Variants in FAM117B observed in about 807,000 individuals in gnomAD.
The protein encoded by FAM117B is family with sequence similarity 117 member B.
Under a neutral mutation model 52.8 loss-of-function variants are expected in FAM117B, and 22 were observed. The observed-to-expected ratio is 0.42, with a 90% CI of 0.30 to 0.59. The LOEUF is 0.59. FAM117B is among the 20% of genes least tolerant of loss of function. The pLI is 0.22. For missense variants in FAM117B, 678 were observed against 802.6 expected, an observed-to-expected ratio of 0.84 and a Z score of 1.88; for synonymous variants, 309 against 324.1, an observed-to-expected ratio of 0.95 and a Z score of 0.50.
At chr2:202,654,027 A>G (rs2105757941) in intron 1 of FAM117B, among the ~76,000 whole-genome samples, 2 of 150,962 alleles carry the variant, frequency 1.3e-5, no homozygotes, top group South Asian at 4.2e-4. Context: ...CAGTGAAATC[A>G]TCTTGGCCTG....
At chr2:202,737,416 T>C (rs1247889650) in intron 4 of FAM117B, among the ~76,000 whole-genome samples, 1 of 152,196 alleles carries the variant, frequency 6.6e-6, no homozygotes, top group Non-Finnish European at 1.5e-5. Flanking sequence ...TTCTTTTCCT[T>C]TGTATACATG....
chr2:202,640,798 A>G (rs762652137), intron 1 of FAM117B, among the ~76,000 whole-genome samples: 3 of 151,940 alleles, frequency 2.0e-5, no homozygotes, highest in African/African-American at 4.8e-5. Context: ...TTGGGTAGAG[A>G]CTGGGTTTCA....
chr2:202,755,559 C>G lies in FAM117B; in HGVS notation c.982C>G (p.Leu328Val). The G allele has an allele frequency of 6.2e-7, 1 of 1,614,084 alleles. No homozygotes were observed. The highest frequency in any genetic ancestry group is 8.5e-7 in the Non-Finnish European group (1 of 1,179,978). ...TAAGGCTCCTGTTCCAAAGAGTGCA[C>G]TTATTCCTGTAATTCCCATCACCAA... ...QCQAPVPKSA[L>V]IPVIPITKST... The change falls in exon 5 of 8, where the codon CTT becomes GTT. Residue 328 changes from leucine (L) to valine (V), a missense_variant. Leu to Val is a conservative substitution (Grantham distance 32). Around this residue, in one of 3 missense-constraint regions of FAM117B, gnomAD observed 583 missense variants for 644.8 expected, o/e 0.90. Transcript: ENST00000392238.
chr2:202,672,003 G>A (rs1157113761), intron 1 of FAM117B, among the ~76,000 whole-genome samples: 5 of 152,128 alleles, frequency 3.3e-5, no homozygotes, highest in African/African-American at 1.2e-4. Context: ...AGCTTTAGGT[G>A]TGTTAGTTAC....
At position 202,723,702 on chromosome 2, in the gene FAM117B, T is replaced by A. The variant is rs59431936; in HGVS notation, c.754-1215T>A. 1.8e-4 allele frequency among the ~76,000 whole-genome samples: 28 copies of A among 152,366 alleles called. No individual in the cohort carries two copies. In the East Asian group the frequency reaches 4.2e-3, roughly 23 times the overall value. ...CTTACTTACATTGTTTCAGTCTTAC[T>A]TGTAAGAACAGTGCTACAGGGAATA... On this transcript the variant is annotated intron_variant, in intron 2 of 7. Transcript: ENST00000392238.
At chr2:202,703,062 G>A (rs371399542) in intron 2 of FAM117B, among the ~76,000 whole-genome samples, 15 of 152,136 alleles carry the variant, frequency 9.9e-5, no homozygotes, top group East Asian at 3.9e-4. Flanking sequence ...AGTTATAACT[G>A]TATATAATTT....
chr2:202,645,283 C>CT (rs538990959), intron 1 of FAM117B, among the ~76,000 whole-genome samples: 7,707 of 138,326 alleles, frequency 0.056, 224 homozygotes, highest in Middle Eastern at 0.1. Context: ...TTTTTTCTTT[C>CT]TTTTTTTTTT....
At position 202,767,914 on chromosome 2, in the gene FAM117B, G is replaced by A. The variant is rs910551815; in HGVS notation, c.*2150G>A. 1 of 152,114 alleles carries A rather than the reference G, an allele frequency of 6.6e-6. No homozygotes were observed. Among genetic ancestry groups the A allele is most frequent in the African/African-American group, 2.4e-5 (1 of 41,438 alleles). The allele number at this position is 152,114 out of a possible 1,614,324, so 9.4% of individuals were successfully genotyped here. A position where few individuals can be genotyped will look rare whatever the true frequency, so the allele number is the denominator to read the frequency against. On this transcript the variant is annotated 3_prime_UTR_variant, in exon 8 of 8. Transcript: ENST00000392238. ...CGTTATGGCTTCTCAGTCATGAAAA[G>A]CTCAGTTATTTGGGGTCTACATTTT...
At chr2:202,739,466 C>T (rs1278510848) in intron 4 of FAM117B, among the ~76,000 whole-genome samples, 6 of 141,414 alleles carry the variant, frequency 4.2e-5, no homozygotes, top group Non-Finnish European at 6.1e-5. Flanking sequence ...CTCCCTCCCT[C>T]GATCCCTCCC....
intron 1 of FAM117B, among the ~76,000 whole-genome samples, chr2:202,664,328 A>G (rs922731054): frequency 6.6e-6 from 1 of 152,188 alleles, no homozygotes; most frequent in Admixed American, 6.6e-5. Flanking sequence ...AAAATATTTG[A>G]AAGAATTAGC....
At chr2:202,672,649 G>C (rs1200536982) in intron 1 of FAM117B, among the ~76,000 whole-genome samples, 2 of 152,152 alleles carry the variant, frequency 1.3e-5, no homozygotes, top group East Asian at 3.8e-4. Flanking sequence ...GACAAATGCG[G>C]TGGAATTTTC....
At chr2:202,708,693 A>G (rs1690913808) in intron 2 of FAM117B, among the ~76,000 whole-genome samples, 1 of 152,110 alleles carries the variant, frequency 6.6e-6, no homozygotes, top group South Asian at 2.1e-4. Context: ...GCAGCCTCGA[A>G]CTTCTGAGCT....
intron 4 of FAM117B, among the ~76,000 whole-genome samples, chr2:202,741,416 CAAAAAAAAA>C (rs1156278814): frequency 5.7e-5 from 2 of 34,932 alleles, no homozygotes; most frequent in East Asian, 1.3e-3. Context: ...GACTCTGTCT[CAAAAAAAAA>C]AAAAAAAAAA....
chr2:202,736,529 C>T (rs941705359), intron 4 of FAM117B, among the ~76,000 whole-genome samples: 12 of 152,034 alleles, frequency 7.9e-5, no homozygotes, highest in African/African-American at 2.7e-4. Flanking sequence ...GGGAGTTCGA[C>T]GTAGATGGAT....
intron 2 of FAM117B, among the ~76,000 whole-genome samples, chr2:202,718,845 A>C (rs1691103608): frequency 6.6e-6 from 1 of 151,790 alleles, no homozygotes; most frequent in Admixed American, 6.6e-5. Flanking sequence ...GTGCCTACCG[A>C]CCTCCCCTGT....
intron 4 of FAM117B, among the ~76,000 whole-genome samples, chr2:202,749,934 T>A (rs1037305971): frequency 3.3e-5 from 5 of 152,132 alleles, no homozygotes; most frequent in South Asian, 2.1e-4. Flanking sequence ...ATAAAAAAAA[T>A]TAAAGGTGAG....
In FAM117B at chr2:202,702,199, G is replaced by A. The variant is rs547299188; in HGVS notation, c.753+6167G>A. 3.3e-5 allele frequency among the ~76,000 whole-genome samples: 5 copies of A among 152,046 alleles called. No individual in the cohort carries two copies. The East Asian group carries it at 5.8e-4, about 18-fold the overall frequency. The stretch of plus-strand genomic sequence containing the variant: ...TGAGGTCAGGAGTTCGAGACCAGCC[G>A]GACCAACATAGTGAAACCCCTTCTA... On this transcript the variant is annotated intron_variant, in intron 2 of 7. Coordinates refer to ENST00000392238, the MANE Select transcript of FAM117B (RefSeq NM_173511.4).
chr2:202,747,891 A>G (rs2105796279), intron 4 of FAM117B, among the ~76,000 whole-genome samples: 1 of 152,272 alleles, frequency 6.6e-6, no homozygotes, highest in East Asian at 1.9e-4. Context: ...CAATCTATAG[A>G]TTGATTGCAA....
At chr2:202,679,541 C>T (rs1008127092) in intron 1 of FAM117B, among the ~76,000 whole-genome samples, 6 of 152,140 alleles carry the variant, frequency 3.9e-5, no homozygotes, top group African/African-American at 1.2e-4. Flanking sequence ...AAGTAATTCC[C>T]AGGGTTAGGG....
Sources: gnomAD v4.1 joint callset for allele counts (sites outside exome capture counted in the v4.1 genomes callset) on GRCh38, gnomAD v4.1.1 for gene constraint, gnomAD v4.1.1 regional missense constraint, MANE v1.5 for transcripts, NCBI Gene and HGNC (gene_info 2026-07-23, HGNC 2026-07-21) for gene names.